MYO18A: variants seen among roughly 807,000 people sequenced by gnomAD.
MYO18A encodes the protein myosin XVIIIA.
In MYO18A, 78 loss-of-function variants were observed where a neutral mutation model predicts 235.8. That is an observed-to-expected ratio of 0.33 (90% confidence interval 0.28 to 0.40). The LOEUF (loss-of-function observed/expected upper bound fraction) is 0.40, where lower values mean the gene tolerates loss of function less well. Among genes scored for constraint, MYO18A ranks in the 10% least tolerant of loss-of-function variants. The pLI is 1.00. For synonymous variants in MYO18A, 977 were observed against 1,077.8 expected, an observed-to-expected ratio of 0.91 and a Z score of 1.83; for missense variants, 2,215 against 2,699.3, an observed-to-expected ratio of 0.82 and a Z score of 3.98.
At position 29,125,459 on chromosome 17, in the gene MYO18A, C is replaced by A. The variant is rs1232461538; in HGVS notation, c.1000-3206G>T. On this transcript the variant is annotated intron_variant, in intron 2 of 41. Coordinates refer to ENST00000527372, the MANE Select transcript of MYO18A (RefSeq NM_078471.4). The surrounding 1 kb of genome is among the most constrained non-coding windows in gnomAD (Gnocchi z 5.1). ...CTGGTTACTTAAAGCCCTGAAAAGC[C>A]TTTCTGGGGAGGAAGGCAAGTCAAC... Among the ~76,000 whole-genome samples the A allele has an allele frequency of 1.3e-5, 2 of 152,220 alleles. No homozygotes were observed. Among genetic ancestry groups the A allele is most frequent in the African/African-American group, 4.8e-5 (2 of 41,448 alleles).
At position 29,121,998 on chromosome 17, in the gene MYO18A, C is replaced by A; in HGVS notation, c.1088-41G>T. ...AGACAGCTGGGATGGGCCTGGGAAG[C>A]CTCTGCTACTCCACTTGGGAACTTC... On this transcript the variant is annotated intron_variant, in intron 3 of 41. Coordinates refer to ENST00000527372, the MANE Select transcript of MYO18A (RefSeq NM_078471.4). The surrounding 1 kb of genome is among the most constrained non-coding windows in gnomAD (Gnocchi z 4.2). 1 of 1,598,692 alleles carries A rather than the reference C, an allele frequency of 6.3e-7. No homozygotes were observed. Among genetic ancestry groups the A allele is most frequent in the Non-Finnish European group, 8.6e-7 (1 of 1,166,596 alleles).
rs35771220 is a variant in MYO18A, at chr17:29,166,917, G to A, written c.24C>T (p.Asp8=). Residue 8 remains aspartate, a synonymous_variant, in exon 2 of 42, where the codon GAC becomes GAT. Coordinates refer to ENST00000527372, the MANE Select transcript of MYO18A (RefSeq NM_078471.4). ...CCTTCCGCCCGCCATCTTTGTCCTT[G>A]TCTTTCTTCATTAGGTTAAACATGG... The part of the protein sequence containing the change: MFNLMKK[D]KDKDGGRKEK... 0.033 allele frequency: 50,704 copies of A among 1,546,872 alleles called. 979 individuals carry two copies. The highest frequency in any genetic ancestry group is 0.037 in the Non-Finnish European group (42,032 of 1,143,920).
intron 37 of MYO18A, among the ~76,000 whole-genome samples, chr17:29,088,596 T>A (rs1275488997): frequency 6.6e-6 from 1 of 152,148 alleles, no homozygotes; most frequent in Non-Finnish European, 1.5e-5. Flanking sequence ...ACCGACGGTG[T>A]GGAGACAAAG....
chr17:29,085,497 G>A, intron 40 of MYO18A, 107 bp downstream of exon 40: 2 of 938,024 alleles, frequency 2.1e-6, no homozygotes, highest in South Asian at 1.4e-5. Context: ...AGTGTGGGGA[G>A]GCTGTATCCA....
intron 19 of MYO18A, among the ~76,000 whole-genome samples, chr17:29,108,614 A>G (rs57990993): frequency 1.1e-3 from 163 of 152,354 alleles, no homozygotes; most frequent in African/African-American, 3.6e-3. Context: ...CTCCACAGCA[A>G]TGACGGGCTA....
chr17:29,119,321 C>A lies in MYO18A; in HGVS notation c.1829+14G>T. 6.2e-7 allele frequency: 1 copy of A among 1,602,964 alleles called. No individual in the cohort carries two copies. The highest frequency in any genetic ancestry group is 1.1e-5 in the South Asian group (1 of 89,274). On this transcript the variant is annotated intron_variant, in intron 8 of 41. Transcript: ENST00000527372. ...AGTTCAGAGAACCCTTGTGTACCCT[C>A]TGACCCATCTCACCTGAGGGTGCCA...
At chr17:29,108,294 G>C (rs2066842676) in intron 19 of MYO18A, among the ~76,000 whole-genome samples, 1 of 152,092 alleles carries the variant, frequency 6.6e-6, no homozygotes, top group Non-Finnish European at 1.5e-5. Context: ...GAGTGTCTGG[G>C]CTTCAGGTCA....
chr17:29,092,584 C>A, intron 33 of MYO18A, 128 bp from the exon 34 acceptor site: 1 of 864,782 alleles, frequency 1.2e-6, no homozygotes, highest in Non-Finnish European at 1.8e-6. Flanking sequence ...ACCCCAGGGC[C>A]ATGGCTGTGT....
Position 29,103,603 on chromosome 17 carries a change from C to T in MYO18A, c.3503G>A (p.Ser1168Asn). ...LEKSSCCMGL[S>N]RVFFRAGTLA... Reference sequence around the variant, plus strand: ...CCCTCCTGTGGGACAACTCACCCGGCTCAGGCCCATGCAGCAGCTGCTCTT... The same window carrying T: ...CCCTCCTGTGGGACAACTCACCCGGTTCAGGCCCATGCAGCAGCTGCTCTT... Residue 1168 changes from serine (S) to asparagine (N), a missense_variant, in exon 21 of 42, where the codon AGC becomes AAC. Physicochemically the swap from Ser to Asn is conservative, Grantham distance 46. Coordinates refer to ENST00000527372, the MANE Select transcript of MYO18A (RefSeq NM_078471.4). 6.2e-7 allele frequency: 1 copy of T among 1,613,928 alleles called. No individual in the cohort carries two copies. Among genetic ancestry groups the T allele is most frequent in the Non-Finnish European group, 8.5e-7 (1 of 1,179,890 alleles).
Position 29,090,569 on chromosome 17 carries a change from T to A in MYO18A, c.5351A>T (p.Glu1784Val). 1 of 1,600,656 alleles carries A rather than the reference T, an allele frequency of 6.2e-7. No individual in the cohort carries two copies. Among genetic ancestry groups the A allele is most frequent in the Non-Finnish European group, 8.5e-7 (1 of 1,172,952 alleles). The change falls in exon 36 of 42, where the codon GAA becomes GTA. Residue 1784 changes from glutamate (E) to valine (V), a missense_variant. Physicochemically the swap from Glu to Val is moderately radical, Grantham distance 121. Transcript: ENST00000527372. ...AQINDLQAQL[E>V]EANKEKQELQ... ...CTCCTGCTTCTCTTTGTTGGCTTCT[T>A]CTAGCTGAGCTTGGAGATCATTTAT...
In MYO18A at chr17:29,111,237, TC is replaced by T. The variant is rs1288787715; in HGVS notation, c.2900+186del. On this transcript the variant is annotated intron_variant, in intron 17 of 41. Transcript: ENST00000527372. The surrounding 1 kb of genome is among the most constrained non-coding windows in gnomAD (Gnocchi z 5.1). Reference sequence around the variant, plus strand: ...CATAGGCTCTCCCACCATGTCTGCCTCCCACCTCTACTTCAAGAGGCCCCTC... The same window carrying T: ...CATAGGCTCTCCCACCATGTCTGCCTCCACCTCTACTTCAAGAGGCCCCTC... 6.6e-6 allele frequency among the ~76,000 whole-genome samples: 1 copy of T among 152,170 alleles called. No homozygotes were observed. Among genetic ancestry groups the T allele is most frequent in the African/African-American group, 2.4e-5 (1 of 41,420 alleles).
chr17:29,086,588 G>A lies in MYO18A; in HGVS notation c.5713-11C>T. ...TTCTAGATCCATCTCCTAGGAGGAA[G>A]GGGGCAGCCCAGTTTGCAGGAGGGC... is the stretch of plus-strand genomic sequence containing the variant. On this transcript the variant is annotated splice_polypyrimidine_tract_variant and intron_variant, in intron 38 of 41. Coordinates refer to ENST00000527372, the MANE Select transcript of MYO18A (RefSeq NM_078471.4). The A allele has an allele frequency of 6.2e-7, 1 of 1,612,122 alleles. No individual in the cohort carries two copies. Among genetic ancestry groups the A allele is most frequent in the Non-Finnish European group, 8.5e-7 (1 of 1,179,188 alleles).
Position 29,092,358 on chromosome 17 carries a change from G to T in MYO18A, c.5172C>A (p.Ala1724=). The T allele has an allele frequency of 1.2e-6, 2 of 1,610,728 alleles. No homozygotes were observed. Among genetic ancestry groups the T allele is most frequent in the Non-Finnish European group, 1.7e-6 (2 of 1,179,732 alleles). ...EDLHLQIDDI[A]KAKTALEEQL... ...GGCCCCTCACCGCTGTCTTGGCTTT[G>T]GCGATGTCATCAATCTGCAGGTGCA... Residue 1724 remains alanine, a synonymous_variant, in exon 34 of 42, where the codon GCC becomes GCA. Transcript: ENST00000527372.
intron 2 of MYO18A, among the ~76,000 whole-genome samples, chr17:29,131,722 G>A (rs2067478710): frequency 6.6e-6 from 1 of 152,226 alleles, no homozygotes; most frequent in Non-Finnish European, 1.5e-5. Flanking sequence ...TGTCTAAAGA[G>A]GTCCACCCAC....
Position 29,074,471 on chromosome 17 carries a change from A to C in MYO18A, c.*299T>G. 1 of 578,252 alleles carries C rather than the reference A, an allele frequency of 1.7e-6. No homozygotes were observed. Among genetic ancestry groups the C allele is most frequent in the Non-Finnish European group, 3.2e-6 (1 of 317,416 alleles). 35.8% of individuals were successfully genotyped at this position (578,252 alleles called of 1,614,324 possible). ...AGAGGGAGGTCAACGTGCTGGCTCCATGCAGTGCCAGGCCACCTGCCACTG... is the reference window on the plus strand; with the variant it reads ...AGAGGGAGGTCAACGTGCTGGCTCCCTGCAGTGCCAGGCCACCTGCCACTG... On this transcript the variant is annotated 3_prime_UTR_variant, in exon 42 of 42. Coordinates refer to ENST00000527372, the MANE Select transcript of MYO18A (RefSeq NM_078471.4). This position sits in a 1 kb window ranked among gnomAD's most constrained non-coding sequence, Gnocchi z 4.4.
Position 29,103,762 on chromosome 17 carries a change from ACAGT to A in MYO18A, c.3442-102_3442-99del, listed in dbSNP as rs1409716301. On this transcript the variant is annotated intron_variant, in intron 20 of 41. Transcript: ENST00000527372. ...TGGCCCTTCCCCTCCCTCCTCCTAGACAGTCTGTTATTCATGCACTTGCGTGGGC... is the reference window on the plus strand; with the variant it reads ...TGGCCCTTCCCCTCCCTCCTCCTAGACTGTTATTCATGCACTTGCGTGGGC... 33 of 1,179,658 alleles carry A rather than the reference ACAGT, an allele frequency of 2.8e-5. 1 individual carries two copies. The Admixed American group carries it at 6.1e-4, about 22-fold the overall frequency. The allele number at this position is 1,179,658 out of a possible 1,614,324, so 73.1% of individuals were successfully genotyped here. A position where few individuals can be genotyped will look rare whatever the true frequency, so the allele number is the denominator to read the frequency against.
chr17:29,100,213 A>G lies in MYO18A; in HGVS notation c.3508-451T>C, dbSNP rs75202678. Among the ~76,000 whole-genome samples, 960 of 152,216 alleles carry G rather than the reference A, an allele frequency of 6.3e-3. 63 individuals are homozygous for G. In the East Asian group the frequency reaches 0.15, roughly 23 times the overall value. ...GGGCTCCAGGCCCCTCTGACTCCCA[A>G]TTGCTGGGATCGGGTGAGTGGATGC... is the stretch of plus-strand genomic sequence containing the variant. On this transcript the variant is annotated intron_variant, in intron 21 of 41. Transcript: ENST00000527372.
chr17:29,128,508 T>C (rs1334407342), intron 2 of MYO18A: 4 of 1,280,264 alleles, frequency 3.1e-6, no homozygotes, highest in Non-Finnish European at 4.1e-6. Context: ...TGAGGACTCC[T>C]AGATGGGCCA....
chr17:29,149,839 C>A (rs1485463980), intron 2 of MYO18A, among the ~76,000 whole-genome samples: 1 of 152,254 alleles, frequency 6.6e-6, no homozygotes, highest in Non-Finnish European at 1.5e-5. Context: ...CCCTGCCCCA[C>A]ATCTCATCAG....
Sources: allele counts gnomAD v4.1 joint callset (sites outside exome capture counted in the v4.1 genomes callset), GRCh38; gene constraint gnomAD v4.1.1; non-coding constraint Gnocchi (gnomAD v3.1); transcripts MANE v1.5; gene names NCBI Gene and HGNC (gene_info 2026-07-23, HGNC 2026-07-21).